CDKAL1: variants seen among roughly 807,000 people sequenced by gnomAD.
The protein encoded by CDKAL1 is threonylcarbamoyladenosine tRNA methylthiotransferase.
In CDKAL1, 32 loss-of-function variants were observed where a neutral mutation model predicts 68.2. The observed-to-expected ratio is 0.47, with a 90% confidence interval of 0.35 to 0.63. CDKAL1 has a LOEUF of 0.63. Among genes scored for constraint, CDKAL1 ranks in the 30% least tolerant of loss-of-function variants. The pLI is 0.00. For missense variants in CDKAL1, 606 were observed against 696.7 expected (o/e 0.87, Z 1.47); for synonymous variants, 234 against 244.3 (o/e 0.96, Z 0.39).
intron 5 of CDKAL1, among the ~76,000 whole-genome samples, chr6:20,651,130 C>A (rs1463904839): frequency 6.6e-6 from 1 of 151,904 alleles, no homozygotes; most frequent in East Asian, 1.9e-4. Context: ...ATTGAATCTA[C>A]AAATTACTTT....
chr6:21,017,688 A>T (rs9460586), intron 11 of CDKAL1, among the ~76,000 whole-genome samples: 2,181 of 152,260 alleles, frequency 0.014, 51 homozygotes, highest in African/African-American at 0.049. Context: ...CTGACTCCGT[A>T]CACTAAATGG....
At chr6:20,715,335 G>A (rs2127835907) in intron 5 of CDKAL1, among the ~76,000 whole-genome samples, 1 of 152,218 alleles carries the variant, frequency 6.6e-6, no homozygotes, top group East Asian at 1.9e-4. Context: ...TTCTGTGTCT[G>A]GCTTATTTTA....
chr6:21,093,694 C>CTTTTTTTTTTTTTTTTTTTTTTTT (rs547923386), intron 12 of CDKAL1, among the ~76,000 whole-genome samples: 1 of 88,086 alleles, frequency 1.1e-5, no homozygotes, highest in African/African-American at 4.6e-5. Context: ...GCTGCTGCTG[C>CTTTTTTTTTTTTTTTTTTTTTTTT]TTTTTTTTTT....
chr6:21,027,687 C>G (rs1769035920), intron 11 of CDKAL1, among the ~76,000 whole-genome samples: 1 of 152,196 alleles, frequency 6.6e-6, no homozygotes, highest in South Asian at 2.1e-4. Context: ...TATGAAAGCC[C>G]TCACAGATGT....
chr6:21,205,738 A>G (rs551459345), intron 15 of CDKAL1, among the ~76,000 whole-genome samples: 244 of 148,496 alleles, frequency 1.6e-3, no homozygotes, highest in African/African-American at 5.2e-3. Context: ...TCACTGTGTT[A>G]GCCAGGATGG....
chr6:20,585,402 C>G (rs1280886634), intron 4 of CDKAL1, among the ~76,000 whole-genome samples: 3 of 152,076 alleles, frequency 2.0e-5, no homozygotes, highest in Non-Finnish European at 4.4e-5. Flanking sequence ...TTCCTGATAC[C>G]ACGTTCTTCC....
intron 5 of CDKAL1, among the ~76,000 whole-genome samples, chr6:20,655,253 G>A (rs16884070): frequency 0.054 from 8,254 of 152,216 alleles, 280 homozygotes; most frequent in African/African-American, 0.1. Context: ...CCTTGGTCAG[G>A]GACTTAGTTG....
chr6:20,562,703 C>T (rs1325935795), intron 4 of CDKAL1, among the ~76,000 whole-genome samples: 2 of 151,486 alleles, frequency 1.3e-5, no homozygotes, highest in African/African-American at 4.9e-5. Flanking sequence ...GATCATGCCA[C>T]TACACTCCAG....
At chr6:20,545,531 G>A (rs937980462) in intron 2 of CDKAL1, among the ~76,000 whole-genome samples, 1 of 152,014 alleles carries the variant, frequency 6.6e-6, no homozygotes, top group African/African-American at 2.4e-5. Flanking sequence ...CTGCCTCCTG[G>A]GTTCCAGCGA....
At chr6:20,759,652 G>A (rs1307435979) in intron 7 of CDKAL1, among the ~76,000 whole-genome samples, 2 of 152,078 alleles carry the variant, frequency 1.3e-5, no homozygotes, top group African/African-American at 2.4e-5. Flanking sequence ...CTTGTTCAAG[G>A]TGTATTTTTT....
intron 11 of CDKAL1, among the ~76,000 whole-genome samples, chr6:21,026,932 T>C (rs1452565389): frequency 2.0e-5 from 3 of 152,338 alleles, no homozygotes; most frequent in Middle Eastern, 3.4e-3. Flanking sequence ...TTCTCTCTTC[T>C]TCTTCCTCCT....
At chr6:21,007,353 C>T (rs571532363) in intron 11 of CDKAL1, among the ~76,000 whole-genome samples, 1 of 151,690 alleles carries the variant, frequency 6.6e-6, no homozygotes, top group South Asian at 2.1e-4. Flanking sequence ...TCCTGGGAGG[C>T]ACTCGCCTAT....
chr6:20,705,418 A>G (rs1581415853), intron 5 of CDKAL1, among the ~76,000 whole-genome samples: 2 of 152,212 alleles, frequency 1.3e-5, no homozygotes, highest in East Asian at 1.9e-4. Flanking sequence ...TGTTCACAAA[A>G]TATTTTATAA....
chr6:21,208,542 G>C (rs980289546), intron 15 of CDKAL1, among the ~76,000 whole-genome samples: 1 of 152,132 alleles, frequency 6.6e-6, no homozygotes, highest in Non-Finnish European at 1.5e-5. Flanking sequence ...AAGCAAATGA[G>C]GGCGTGTTTC....
chr6:21,002,229 T>A (rs1318572961), intron 11 of CDKAL1, among the ~76,000 whole-genome samples: 1 of 152,202 alleles, frequency 6.6e-6, no homozygotes, highest in African/African-American at 2.4e-5. Flanking sequence ...TTCGTTGGAT[T>A]CTGAGTTATT....
chr6:20,539,493 T>G lies in CDKAL1; in HGVS notation c.-6+4099T>G, dbSNP rs750580234. On this transcript the variant is annotated intron_variant, in intron 2 of 15. Coordinates refer to ENST00000274695, the MANE Select transcript of CDKAL1 (RefSeq NM_017774.3). The surrounding 1 kb of genome is among the most constrained non-coding windows in gnomAD (Gnocchi z 4.3). Reference sequence around the variant, plus strand: ...AGGGGCATAGGAAGAGGGTGTGTGGTGAGGTGGGGGTGTTGGTTGGAAAGT... The same window carrying G: ...AGGGGCATAGGAAGAGGGTGTGTGGGGAGGTGGGGGTGTTGGTTGGAAAGT... Among the ~76,000 whole-genome samples the G allele has an allele frequency of 3.9e-5, 6 of 152,030 alleles. No homozygotes were observed. The highest frequency in any genetic ancestry group is 8.8e-5 in the Non-Finnish European group (6 of 67,990).
At chr6:20,674,078 T>G (rs78337642) in intron 5 of CDKAL1, among the ~76,000 whole-genome samples, 14,076 of 152,246 alleles carry the variant, frequency 0.092, 2,093 homozygotes, top group African/African-American at 0.31. Context: ...TATTCCTATA[T>G]GTTCATTTTA....
chr6:20,778,466 A>G (rs1038949660), intron 7 of CDKAL1, among the ~76,000 whole-genome samples: 3 of 152,248 alleles, frequency 2.0e-5, no homozygotes, highest in Non-Finnish European at 4.4e-5. Flanking sequence ...TACTGGGAAA[A>G]TACTGGAGTA....
At chr6:20,617,391 A>T (rs1035680438) in intron 4 of CDKAL1, among the ~76,000 whole-genome samples, 17 of 152,228 alleles carry the variant, frequency 1.1e-4, no homozygotes, top group African/African-American at 4.1e-4. Flanking sequence ...GGAATAATAA[A>T]GAAGTGCTTC....
Sources: allele counts gnomAD v4.1 joint callset (sites outside exome capture counted in the v4.1 genomes callset), GRCh38; gene constraint gnomAD v4.1.1; non-coding constraint Gnocchi (gnomAD v3.1); transcripts MANE v1.5; gene names NCBI Gene and HGNC (gene_info 2026-07-23, HGNC 2026-07-21).